MYO1H: variants seen among roughly 807,000 people sequenced by gnomAD.
The protein encoded by MYO1H is unconventional myosin-Ih.
Under a neutral mutation model 149.3 loss-of-function variants are expected in MYO1H, and 118 were observed. The observed-to-expected ratio is 0.79, with a 90% CI of 0.68 to 0.92. MYO1H has a LOEUF of 0.92. MYO1H is among the 40% of genes least tolerant of loss of function. MYO1H has a pLI of 0.00. For missense variants in MYO1H, 1,212 were observed against 1,280.7 expected (o/e 0.95, Z 0.82); for synonymous variants, 447 against 465.2 (o/e 0.96, Z 0.50).
chr12:109,363,719 AAAG>A (rs370968671), intron 1 of MYO1H, among the ~76,000 whole-genome samples: 13 of 152,180 alleles, frequency 8.5e-5, no homozygotes, highest in South Asian at 4.2e-4. Flanking sequence ...TCTCAAAAAA[AAAG>A]AAGAAGACGC....
the MYO1H span, among the ~76,000 whole-genome samples, chr12:109,332,790 C>A: frequency 1.3e-5 from 2 of 152,158 alleles, no homozygotes; most frequent in African/African-American, 4.8e-5. Context: ...ACTATGTTGC[C>A]CAAAACTGGT....
intron 13 of MYO1H, among the ~76,000 whole-genome samples, chr12:109,411,507 G>A (rs1870666925): frequency 6.6e-6 from 1 of 152,216 alleles, no homozygotes; most frequent in Non-Finnish European, 1.5e-5. Context: ...GACTTAACTG[G>A]TTTTATACCT....
chr12:109,362,119 A>G (rs906515456), intron 1 of MYO1H, among the ~76,000 whole-genome samples: 14 of 152,254 alleles, frequency 9.2e-5, no homozygotes, highest in Non-Finnish European at 1.8e-4. Context: ...TCAGCCACCC[A>G]AAGGCTTAGT....
chr12:109,403,871 C>A, intron 6 of MYO1H, 111 bp from the exon 7 acceptor site: 1 of 630,008 alleles, frequency 1.6e-6, no homozygotes, highest in South Asian at 2.4e-5. Context: ...ATTTTTGATT[C>A]GCAATTCAGT....
At chr12:109,312,787 TTTG>T in the MYO1H span, among the ~76,000 whole-genome samples, 23 of 92,378 alleles carry the variant, frequency 2.5e-4, no homozygotes, top group African/African-American at 1.2e-3. Flanking sequence ...TTTGTTTTGT[TTTG>T]TTTTTTTTTT....
At chr12:109,317,290 GAA>G in the MYO1H span, among the ~76,000 whole-genome samples, 1 of 152,194 alleles carries the variant, frequency 6.6e-6, no homozygotes, top group Non-Finnish European at 1.5e-5. Context: ...GCTGGAGACT[GAA>G]ATAACCAAGT....
At chr12:109,375,992 A>G (rs967374131) in intron 1 of MYO1H, among the ~76,000 whole-genome samples, 1 of 152,174 alleles carries the variant, frequency 6.6e-6, no homozygotes, top group South Asian at 2.1e-4. Context: ...CAGTCAATCA[A>G]TGGAAAGAAA....
chr12:109,391,327 C>T (rs1194822965), intron 2 of MYO1H, among the ~76,000 whole-genome samples: 1 of 152,136 alleles, frequency 6.6e-6, no homozygotes, highest in African/African-American at 2.4e-5. Context: ...CAAGAACACG[C>T]AGTGTTTGGT....
the MYO1H span, among the ~76,000 whole-genome samples, chr12:109,319,447 AATAGAT>A: frequency 6.6e-6 from 1 of 152,088 alleles, no homozygotes; most frequent in African/African-American, 2.4e-5. Flanking sequence ...GTGCTTGTTT[AATAGAT>A]ATAGAGTTTC....
intron 22 of MYO1H, among the ~76,000 whole-genome samples, chr12:109,438,323 C>T (rs10850141): frequency 0.34 from 51,231 of 151,882 alleles, 8,943 homozygotes; most frequent in African/African-American, 0.39. Context: ...CCTTCCATAG[C>T]CCCCTCTGTT....
In MYO1H at chr12:109,424,734, C is replaced by T. The variant is rs1303680968; in HGVS notation, c.1645-14C>T. The T allele has an allele frequency of 2.5e-6, 4 of 1,609,844 alleles. No individual in the cohort carries two copies. In the East Asian group the frequency reaches 6.7e-5, roughly 27 times the overall value. Reference sequence around the variant, plus strand: ...GAAACAGCGAACGTGGTACTCATTTCTCTTCACTTACAGGTGCTGTGCAAG... The same window carrying T: ...GAAACAGCGAACGTGGTACTCATTTTTCTTCACTTACAGGTGCTGTGCAAG... On this transcript the variant is annotated splice_polypyrimidine_tract_variant and intron_variant, in intron 16 of 31. Transcript: ENST00000310903.
At chr12:109,421,947 T>TG (rs1423011414) in intron 16 of MYO1H, among the ~76,000 whole-genome samples, 15 of 152,096 alleles carry the variant, frequency 9.9e-5, no homozygotes, top group East Asian at 1.9e-4. Flanking sequence ...TGCCTCAGTC[T>TG]GAGTAGCTAG....
intron 1 of MYO1H, among the ~76,000 whole-genome samples, chr12:109,358,940 A>C (rs1480051799): frequency 1.3e-5 from 2 of 151,542 alleles, no homozygotes; most frequent in African/African-American, 4.9e-5. Context: ...TTTTTAGTAA[A>C]ATTTTTAAAC....
At chr12:109,314,494 G>T in the MYO1H span, among the ~76,000 whole-genome samples, 5 of 152,168 alleles carry the variant, frequency 3.3e-5, no homozygotes, top group Non-Finnish European at 5.9e-5. Flanking sequence ...GCTGCTAGCA[G>T]GCTCTTTCAA....
chr12:109,433,514 G>C (rs1049686344), intron 20 of MYO1H, among the ~76,000 whole-genome samples: 3 of 152,210 alleles, frequency 2.0e-5, no homozygotes. Context: ...GGGAAGATCC[G>C]AGTCCGTCTT....
intron 19 of MYO1H, among the ~76,000 whole-genome samples, chr12:109,432,025 G>A (rs1871647158): frequency 8.6e-6 from 1 of 116,314 alleles, no homozygotes. Flanking sequence ...TTTTTGAGAT[G>A]GAGTCTTGCT....
intron 6 of MYO1H, among the ~76,000 whole-genome samples, chr12:109,402,910 T>C (rs1870224636): frequency 6.6e-6 from 1 of 152,232 alleles, no homozygotes; most frequent in Admixed American, 6.5e-5. Flanking sequence ...ATCGTGTCTT[T>C]ATTCCTGTAG....
At chr12:109,318,977 T>C in the MYO1H span, among the ~76,000 whole-genome samples, 1 of 138,174 alleles carries the variant, frequency 7.2e-6, no homozygotes, top group East Asian at 2.0e-4. Flanking sequence ...GTTTTGTTTT[T>C]TTTTTTTTTT....
intron 1 of MYO1H, among the ~76,000 whole-genome samples, chr12:109,372,023 G>A (rs1024286186): frequency 2.0e-5 from 3 of 152,026 alleles, no homozygotes; most frequent in Admixed American, 6.6e-5. Context: ...TTGATTTATG[G>A]AAGCTTTTTG....
Sources: gnomAD v4.1 joint callset for allele counts (sites outside exome capture counted in the v4.1 genomes callset) on GRCh38, gnomAD v4.1.1 for gene constraint, MANE v1.5 for transcripts, NCBI Gene and HGNC (gene_info 2026-07-23, HGNC 2026-07-21) for gene names.